Variants in CALN1 observed in about 807,000 individuals in gnomAD.
CALN1 encodes calneuron 1.
In CALN1, 17 loss-of-function variants were observed where a neutral mutation model predicts 30.6. The observed-to-expected ratio is 0.56, with a 90% CI of 0.38 to 0.83. The LOEUF (loss-of-function observed/expected upper bound fraction) is 0.83, where lower values mean the gene tolerates loss of function less well. Among genes scored for constraint, CALN1 ranks in the 40% least tolerant of loss-of-function variants. The pLI, the probability that CALN1 is intolerant of heterozygous loss-of-function variation, is 0.00. For missense variants in CALN1, 291 were observed against 354.9 expected (o/e 0.82, Z 1.45); for synonymous variants, 156 against 131.4 (o/e 1.19, Z -1.28).
At chr7:72,358,632 C>A (rs1298373169) in intron 2 of CALN1, among the ~76,000 whole-genome samples, 1 of 152,054 alleles carries the variant, frequency 6.6e-6, no homozygotes, top group Non-Finnish European at 1.5e-5. Flanking sequence ...CCCATCGGGG[C>A]AAAGTCAACA....
intron 3 of CALN1, among the ~76,000 whole-genome samples, chr7:72,204,746 T>C (rs1479241310): frequency 6.6e-6 from 1 of 152,206 alleles, no homozygotes; most frequent in Non-Finnish European, 1.5e-5. Context: ...CCCTGCAACA[T>C]GGTAAACAGC....
At chr7:72,356,709 T>C (rs1197535140) in intron 2 of CALN1, among the ~76,000 whole-genome samples, 1 of 151,982 alleles carries the variant, frequency 6.6e-6, no homozygotes, top group East Asian at 1.9e-4. Flanking sequence ...ATTAGCTCAA[T>C]CTGATTGACA....
At chr7:71,839,177 C>T (rs952907239) in intron 5 of CALN1, among the ~76,000 whole-genome samples, 1 of 152,124 alleles carries the variant, frequency 6.6e-6, no homozygotes, top group Non-Finnish European at 1.5e-5. Flanking sequence ...CCCCTTTAAA[C>T]TCTAGGTATT....
In CALN1 at chr7:72,168,805, ATT is replaced by A. The variant is rs3030351; in HGVS notation, c.245-62513_245-62512del. ...ATGCCTGCTTATTATTATTATTATT[ATT>A]TTTTTTTTTTTTTTTGAGATGGAGT... On this transcript the variant is annotated intron_variant, in intron 3 of 6. Coordinates refer to ENST00000395275, the MANE Select transcript of CALN1 (RefSeq NM_031468.4). Among the ~76,000 whole-genome samples the A allele has an allele frequency of 1.8e-3, 230 of 128,462 alleles. 3 individuals carry two copies. Among genetic ancestry groups the A allele is most frequent in the African/African-American group, 6.3e-3 (221 of 35,326 alleles). The allele number at this position is 128,462 out of a possible 152,430, so 84.3% of individuals were successfully genotyped here. A position where few individuals can be genotyped will look rare whatever the true frequency, so the allele number is the denominator to read the frequency against.
At chr7:72,129,816 C>T (rs1013214141) in intron 3 of CALN1, among the ~76,000 whole-genome samples, 2 of 152,128 alleles carry the variant, frequency 1.3e-5, no homozygotes, top group East Asian at 3.9e-4. Flanking sequence ...AACTATGATA[C>T]ACCCAAACAA....
At chr7:72,052,884 C>A (rs1292609817) in intron 4 of CALN1, among the ~76,000 whole-genome samples, 2 of 148,904 alleles carry the variant, frequency 1.3e-5, no homozygotes, top group Admixed American at 1.4e-4. Flanking sequence ...AATGCCAGCA[C>A]TTTGGGAGGC....
chr7:72,369,533 G>A (rs1326125773), intron 2 of CALN1, among the ~76,000 whole-genome samples: 2 of 151,646 alleles, frequency 1.3e-5, no homozygotes, highest in Non-Finnish European at 2.9e-5. Flanking sequence ...GGCTAATTTT[G>A]TATTTTTAGT....
chr7:72,121,405 T>C (rs1396700699), intron 3 of CALN1, among the ~76,000 whole-genome samples: 1 of 146,322 alleles, frequency 6.8e-6, no homozygotes, highest in Non-Finnish European at 1.5e-5. Context: ...TGTTATATAA[T>C]ATGTACTATG....
intron 4 of CALN1, among the ~76,000 whole-genome samples, chr7:72,041,389 T>G (rs1305416085): frequency 1.3e-5 from 2 of 151,970 alleles, no homozygotes; most frequent in Non-Finnish European, 2.9e-5. Flanking sequence ...TTTTTTTTAT[T>G]TTTTTTATTT....
At chr7:72,143,661 GA>G (rs1810126534) in intron 3 of CALN1, among the ~76,000 whole-genome samples, 2 of 152,090 alleles carry the variant, frequency 1.3e-5, no homozygotes, top group African/African-American at 4.8e-5. Context: ...GCAACTCCAA[GA>G]CACATAATTG....
At chr7:72,395,084 A>C (rs1433512370) in intron 2 of CALN1, among the ~76,000 whole-genome samples, 2 of 152,172 alleles carry the variant, frequency 1.3e-5, no homozygotes. Flanking sequence ...CATAAACTCT[A>C]TGGTAAGTAC....
At chr7:72,129,593 C>A (rs569177017) in intron 3 of CALN1, among the ~76,000 whole-genome samples, 2 of 152,074 alleles carry the variant, frequency 1.3e-5, no homozygotes, top group Non-Finnish European at 2.9e-5. Context: ...AAAATAATTA[C>A]AGACGAAATG....
chr7:72,031,326 T>A (rs559238697), intron 4 of CALN1, among the ~76,000 whole-genome samples: 1 of 152,174 alleles, frequency 6.6e-6, no homozygotes, highest in Non-Finnish European at 1.5e-5. Context: ...CCATTCTTCA[T>A]CATTTCAGAG....
At chr7:71,948,906 G>A (rs542333018) in intron 5 of CALN1, among the ~76,000 whole-genome samples, 1 of 151,526 alleles carries the variant, frequency 6.6e-6, no homozygotes, top group South Asian at 2.1e-4. Context: ...AGCCAGGCAT[G>A]GTAGCATGTG....
intron 3 of CALN1, among the ~76,000 whole-genome samples, chr7:72,226,763 C>G (rs1218781357): frequency 5.9e-5 from 9 of 152,184 alleles, no homozygotes; most frequent in Admixed American, 5.9e-4. Context: ...AACCATAAGT[C>G]TGGCCACAGT....
chr7:72,487,883 AG>A, the CALN1 span, among the ~76,000 whole-genome samples: 344 of 65,432 alleles, frequency 5.3e-3, 15 homozygotes, highest in Non-Finnish European at 7.6e-3. Context: ...AAAGAAAGAA[AG>A]AAAAGAAAAG....
chr7:71,847,739 GA>G (rs200446165), intron 5 of CALN1, among the ~76,000 whole-genome samples: 2 of 117,428 alleles, frequency 1.7e-5, no homozygotes, highest in African/African-American at 3.1e-5. Context: ...GAAGAAAGAA[GA>G]AAGAAGAAGA....
intron 2 of CALN1, among the ~76,000 whole-genome samples, chr7:72,328,271 G>A (rs770473128): frequency 5.3e-5 from 8 of 152,090 alleles, no homozygotes; most frequent in Non-Finnish European, 1.2e-4. Context: ...TCAAGGGTGG[G>A]GCCAGGTGGA....
intron 2 of CALN1, among the ~76,000 whole-genome samples, chr7:72,374,030 G>C (rs12699135): frequency 6.6e-6 from 1 of 152,082 alleles, no homozygotes; most frequent in Non-Finnish European, 1.5e-5. Flanking sequence ...TATCCTTCAG[G>C]AATGAAGGTG....
Sources: gnomAD v4.1 joint callset for allele counts (sites outside exome capture counted in the v4.1 genomes callset) on GRCh38, gnomAD v4.1.1 for gene constraint, MANE v1.5 for transcripts, NCBI Gene and HGNC (gene_info 2026-07-23, HGNC 2026-07-21) for gene names.